The following TOX variants were observed in gnomAD, a reference collection of about 807,000 sequenced individuals.
The protein encoded by TOX is thymocyte selection-associated high mobility group box protein TOX.
A neutral mutation model predicts 53.7 loss-of-function variants in TOX; 11 were observed. The observed-to-expected ratio is 0.20, with a 90% CI of 0.13 to 0.34. The LOEUF (loss-of-function observed/expected upper bound fraction) is 0.34, where lower values mean the gene tolerates loss of function less well. Among genes scored for constraint, TOX ranks in the 10% least tolerant of loss-of-function variants. The probability of loss-of-function intolerance (pLI) is 1.00; values close to 1 mark genes in which losing one functional copy is unlikely to be tolerated. For missense variants in TOX, 570 were observed against 664.6 expected, an observed-to-expected ratio of 0.86 and a Z score of 1.56; for synonymous variants, 225 against 245.3, an observed-to-expected ratio of 0.92 and a Z score of 0.77.
chr8:58,984,812 T>TA, intron 1 of TOX, among the ~76,000 whole-genome samples: 1 of 135,462 alleles, frequency 7.4e-6, no homozygotes. Flanking sequence ...AAAAATTGAC[T>TA]AAAAAAATCC....
At chr8:58,904,475 G>C (rs1048627100) in intron 3 of TOX, among the ~76,000 whole-genome samples, 3 of 152,086 alleles carry the variant, frequency 2.0e-5, no homozygotes, top group African/African-American at 7.2e-5. Flanking sequence ...ATGGGGATTC[G>C]AGAACCATTT....
At position 58,899,968 on chromosome 8, in the gene TOX, C is replaced by CT. The variant is rs530645845; in HGVS notation, c.411+39333dup. Among the ~76,000 whole-genome samples, 1,189 of 144,476 alleles carry CT rather than the reference C, an allele frequency of 8.2e-3. 12 individuals carry two copies. Among genetic ancestry groups the CT allele is most frequent in the South Asian group, 0.023 (103 of 4,516 alleles). 94.8% of individuals were successfully genotyped at this position (144,476 alleles called of 152,430 possible). A position where few individuals can be genotyped will look rare whatever the true frequency, so the allele number is the denominator to read the frequency against. On this transcript the variant is annotated intron_variant, in intron 3 of 8. Coordinates refer to ENST00000361421, the MANE Select transcript of TOX (RefSeq NM_014729.3). ...TGTTTCAACAAATATATTTTCAATG[C>CT]TTTTTTTTTTTAGTTGGACTCTAAG...
At chr8:58,936,718 C>G (rs1812350536) in intron 3 of TOX, among the ~76,000 whole-genome samples, 1 of 152,110 alleles carries the variant, frequency 6.6e-6, no homozygotes, top group African/African-American at 2.4e-5. Context: ...CAGAGATCCC[C>G]AAGCCTTGAG....
intron 3 of TOX, among the ~76,000 whole-genome samples, chr8:58,892,646 T>C (rs1366187832): frequency 6.6e-6 from 1 of 152,180 alleles, no homozygotes; most frequent in African/African-American, 2.4e-5. Context: ...AAATCACACA[T>C]ACCGGGTAAA....
At chr8:58,949,191 A>C (rs1812577030) in intron 2 of TOX, among the ~76,000 whole-genome samples, 1 of 152,378 alleles carries the variant, frequency 6.6e-6, no homozygotes, top group South Asian at 2.1e-4. Context: ...TCAAAGAAGC[A>C]ATCAATAAAT....
chr8:58,977,755 C>T (rs899376186), intron 1 of TOX, among the ~76,000 whole-genome samples: 3 of 152,118 alleles, frequency 2.0e-5, no homozygotes, highest in African/African-American at 7.2e-5. Context: ...AGCGGCCAGT[C>T]AGTGCAGTGG....
chr8:59,022,061 G>C (rs1021598651), intron 1 of TOX, among the ~76,000 whole-genome samples: 3 of 152,100 alleles, frequency 2.0e-5, no homozygotes, highest in Non-Finnish European at 4.4e-5. Context: ...TCCCTCTAAA[G>C]TGTCACCATT....
At chr8:58,890,444 G>C (rs1811543177) in intron 3 of TOX, among the ~76,000 whole-genome samples, 1 of 152,138 alleles carries the variant, frequency 6.6e-6, no homozygotes, top group Non-Finnish European at 1.5e-5. Flanking sequence ...ATTAATTTCA[G>C]ATGGGCAGGA....
chr8:59,011,260 C>T (rs965121070), intron 1 of TOX, among the ~76,000 whole-genome samples: 1 of 152,154 alleles, frequency 6.6e-6, no homozygotes, highest in Admixed American at 6.5e-5. Context: ...CCATCAAAAC[C>T]TCTTTCTCTT....
intron 3 of TOX, among the ~76,000 whole-genome samples, chr8:58,883,546 T>C (rs1468542840): frequency 6.6e-6 from 1 of 152,204 alleles, no homozygotes; most frequent in Non-Finnish European, 1.5e-5. Context: ...GACAAATAAT[T>C]ACCCTTTCAA....
chr8:59,114,232 T>C (rs1805064820), intron 1 of TOX, among the ~76,000 whole-genome samples: 2 of 152,218 alleles, frequency 1.3e-5, no homozygotes, highest in African/African-American at 2.4e-5. Context: ...AAATTCTCCT[T>C]AATATCATTT....
At chr8:59,051,390 C>T (rs1000004908) in intron 1 of TOX, among the ~76,000 whole-genome samples, 4 of 152,070 alleles carry the variant, frequency 2.6e-5, no homozygotes, top group African/African-American at 2.4e-5. Flanking sequence ...ATGGACGTTG[C>T]GGTATCTCCA....
chr8:58,900,426 G>A (rs901754576), intron 3 of TOX, among the ~76,000 whole-genome samples: 2 of 151,820 alleles, frequency 1.3e-5, no homozygotes, highest in East Asian at 1.9e-4. Flanking sequence ...TAATAATATC[G>A]AAGTGTAGAA....
At chr8:58,950,944 A>ATACTGAAATTACTGCTT (rs1812611493) in intron 2 of TOX, among the ~76,000 whole-genome samples, 1 of 152,202 alleles carries the variant, frequency 6.6e-6, no homozygotes, top group Non-Finnish European at 1.5e-5. Flanking sequence ...CAGCTTTTAT[A>ATACTGAAATTACTGCTT]TGTGCACAAG....
At position 58,838,144 on chromosome 8, in the gene TOX, G is replaced by C; in HGVS notation, c.861C>G (p.Thr287=). Residue 287 remains threonine (T), a synonymous_variant, in exon 5 of 9, where the codon ACC becomes ACG. Coordinates refer to ENST00000361421, the MANE Select transcript of TOX (RefSeq NM_014729.3). The part of the protein sequence containing the change: ...AAIKGQNPNA[T]FGEVSKIVAS... ...CCACAATTTTAGAGACTTCGCCAAA[G>C]GTAGCGTTTGGATTTTGGCCCTTGA... The C allele has an allele frequency of 6.2e-7, 1 of 1,614,192 alleles. No individual in the cohort carries two copies. Among genetic ancestry groups the C allele is most frequent in the Non-Finnish European group, 8.5e-7 (1 of 1,180,008 alleles).
rs537522988 is a variant in TOX at position 59,074,781 on chromosome 8, G to A, written c.102+44105C>T. 3.3e-5 allele frequency among the ~76,000 whole-genome samples: 5 copies of A among 152,248 alleles called. No homozygotes were observed. The South Asian group carries it at 8.3e-4, about 25-fold the overall frequency. On this transcript the variant is annotated intron_variant, in intron 1 of 8. Transcript: ENST00000361421. ...TGAGCATTAAAGGAGCGACAGCAGC[G>A]TGGAAAAGACAAAGACAAGAGAATG... is the stretch of plus-strand genomic sequence containing the variant.
At chr8:59,013,645 G>A (rs1022333727) in intron 1 of TOX, among the ~76,000 whole-genome samples, 3 of 152,132 alleles carry the variant, frequency 2.0e-5, no homozygotes, top group South Asian at 2.1e-4. Flanking sequence ...TCCTGGCCTC[G>A]TGATCCGCCC....
chr8:58,922,846 G>A (rs1414778498), intron 3 of TOX, among the ~76,000 whole-genome samples: 1 of 152,204 alleles, frequency 6.6e-6, no homozygotes, highest in Non-Finnish European at 1.5e-5. Flanking sequence ...AATGAGGGGC[G>A]AGCGGCAGGG....
chr8:58,970,298 G>A (rs986811907), intron 1 of TOX, among the ~76,000 whole-genome samples: 1 of 152,064 alleles, frequency 6.6e-6, no homozygotes, highest in Non-Finnish European at 1.5e-5. Flanking sequence ...TCCTTGCTTA[G>A]TGATTTTCAT....
Sources: gnomAD v4.1 joint callset for allele counts (sites outside exome capture counted in the v4.1 genomes callset) on GRCh38, gnomAD v4.1.1 for gene constraint, MANE v1.5 for transcripts, NCBI Gene and HGNC (gene_info 2026-07-23, HGNC 2026-07-21) for gene names.